PPM1L: variants seen among roughly 807,000 people sequenced by gnomAD.
PPM1L encodes the protein protein phosphatase 1L.
PPM1L carries 13 observed loss-of-function variants against 31.4 expected under a neutral mutation model. That is an observed-to-expected ratio of 0.41 (90% CI 0.27 to 0.66). PPM1L has a LOEUF of 0.66. Ranked by LOEUF, PPM1L falls within the 30% of genes least tolerant of loss-of-function variation. The pLI is 0.29. For synonymous variants in PPM1L, 184 were observed against 175.4 expected (o/e 1.05, Z -0.39); for missense variants, 326 against 453.7 (o/e 0.72, Z 2.56).
At chr3:161,049,251 C>T (rs992011869) in intron 2 of PPM1L, among the ~76,000 whole-genome samples, 1 of 151,556 alleles carries the variant, frequency 6.6e-6, no homozygotes, top group Non-Finnish European at 1.5e-5. Context: ...GCGCTCTAGC[C>T]TGGGCAGCAA....
intron 2 of PPM1L, among the ~76,000 whole-genome samples, chr3:161,051,723 A>T (rs1719286041): frequency 1.3e-5 from 2 of 152,304 alleles, no homozygotes; most frequent in South Asian, 4.1e-4. Context: ...CTACATGTAC[A>T]TGATAGCATA....
intron 1 of PPM1L, among the ~76,000 whole-genome samples, chr3:160,903,061 C>A (rs1713598424): frequency 6.6e-6 from 1 of 151,868 alleles, no homozygotes. Context: ...TAATACACAC[C>A]TTGTTAGATT....
intron 1 of PPM1L, among the ~76,000 whole-genome samples, chr3:160,808,323 G>A (rs1270095660): frequency 2.1e-5 from 3 of 146,166 alleles, no homozygotes; most frequent in African/African-American, 8.0e-5. Context: ...GTGTGTGTGC[G>A]TGCATGTGTG....
At chr3:160,982,398 T>C (rs1420382132) in intron 2 of PPM1L, among the ~76,000 whole-genome samples, 1 of 152,112 alleles carries the variant, frequency 6.6e-6, no homozygotes, top group Non-Finnish European at 1.5e-5. Context: ...ACTCTCTGGA[T>C]AGCAAGAAAA....
intron 1 of PPM1L, among the ~76,000 whole-genome samples, 172 bp from the exon 2 acceptor site, chr3:160,961,564 A>G (rs1270240279): frequency 1.3e-5 from 2 of 152,216 alleles, no homozygotes; most frequent in East Asian, 3.8e-4. Flanking sequence ...CTATTTGAAG[A>G]TCACCTTACT....
chr3:161,056,081 C>G (rs1188005807), intron 2 of PPM1L, among the ~76,000 whole-genome samples: 9 of 152,078 alleles, frequency 5.9e-5, no homozygotes, highest in African/African-American at 1.7e-4. Flanking sequence ...TAAATCATAC[C>G]TGTGTGCCTA....
intron 1 of PPM1L, among the ~76,000 whole-genome samples, chr3:160,850,726 T>C (rs548648818): frequency 9.8e-4 from 150 of 152,328 alleles, no homozygotes; most frequent in African/African-American, 3.6e-3. Context: ...TTTCTTATTA[T>C]GTCATGGGCA....
At chr3:160,898,568 C>T (rs1431826995) in intron 1 of PPM1L, among the ~76,000 whole-genome samples, 2 of 152,170 alleles carry the variant, frequency 1.3e-5, no homozygotes, top group East Asian at 3.9e-4. Flanking sequence ...ATTGCTCTGA[C>T]CTCCCCAAAC....
chr3:160,882,840 C>A (rs1287763923), intron 1 of PPM1L, among the ~76,000 whole-genome samples: 1 of 152,148 alleles, frequency 6.6e-6, no homozygotes, highest in Admixed American at 6.5e-5. Context: ...GTAAGTGATT[C>A]TCACTTTATC....
At chr3:161,008,156 C>G (rs1717774903) in intron 2 of PPM1L, among the ~76,000 whole-genome samples, 2 of 152,186 alleles carry the variant, frequency 1.3e-5, no homozygotes, top group Admixed American at 6.5e-5. Flanking sequence ...AAATATTACT[C>G]TAACTTTCCC....
At chr3:160,848,223 T>A (rs1343632693) in intron 1 of PPM1L, among the ~76,000 whole-genome samples, 1 of 152,222 alleles carries the variant, frequency 6.6e-6, no homozygotes. Context: ...TTGGGCTTAG[T>A]AGTTTGTTGT....
At chr3:160,806,636 C>A (rs748236656) in intron 1 of PPM1L, among the ~76,000 whole-genome samples, 2 of 151,994 alleles carry the variant, frequency 1.3e-5, no homozygotes, top group African/African-American at 4.8e-5. Flanking sequence ...CATCTTGGCA[C>A]AGTGGCGGGC....
intron 2 of PPM1L, among the ~76,000 whole-genome samples, chr3:161,009,828 A>G (rs763246145): frequency 1.3e-5 from 2 of 152,196 alleles, no homozygotes; most frequent in Non-Finnish European, 2.9e-5. Context: ...CTTTAAAACC[A>G]AACATTTTGA....
At chr3:160,829,248 AC>A (rs1319678625) in intron 1 of PPM1L, among the ~76,000 whole-genome samples, 2 of 151,224 alleles carry the variant, frequency 1.3e-5, no homozygotes, top group African/African-American at 4.9e-5. Flanking sequence ...AAAAAAAAAA[AC>A]CTAGCCTTTT....
intron 1 of PPM1L, among the ~76,000 whole-genome samples, chr3:160,824,639 A>G (rs2068817): frequency 0.091 from 13,918 of 152,164 alleles, 978 homozygotes; most frequent in African/African-American, 0.19. Context: ...ATGGATCACC[A>G]TACCTCCATC....
chr3:161,046,018 G>C (rs183559136), intron 2 of PPM1L, among the ~76,000 whole-genome samples: 236 of 145,664 alleles, frequency 1.6e-3, no homozygotes, highest in African/African-American at 5.8e-3. Flanking sequence ...GGCTGAGGCA[G>C]GAGAATGCTA....
chr3:160,991,425 TTGAGTTAAGA>T (rs1717131715), intron 2 of PPM1L, among the ~76,000 whole-genome samples: 1 of 152,168 alleles, frequency 6.6e-6, no homozygotes, highest in Non-Finnish European at 1.5e-5. Context: ...ATCAAACTAC[TTGAGTTAAGA>T]ATCCCCAAGG....
At chr3:161,044,949 A>C (rs1434579222) in intron 2 of PPM1L, among the ~76,000 whole-genome samples, 1 of 152,200 alleles carries the variant, frequency 6.6e-6, no homozygotes, top group South Asian at 2.1e-4. Context: ...AATGGAAAAC[A>C]AAAAAAGGCA....
At chr3:160,990,732 A>G (rs1489996886) in intron 2 of PPM1L, among the ~76,000 whole-genome samples, 1 of 152,194 alleles carries the variant, frequency 6.6e-6, no homozygotes, top group African/African-American at 2.4e-5. Context: ...GATTCCCAAA[A>G]TACTCTTTGT....
Sources: allele counts gnomAD v4.1 joint callset (sites outside exome capture counted in the v4.1 genomes callset), GRCh38; gene constraint gnomAD v4.1.1; transcripts MANE v1.5; gene names NCBI Gene and HGNC (gene_info 2026-07-23, HGNC 2026-07-21).